The following CLHC1 variants were observed in gnomAD, a reference collection of about 807,000 sequenced individuals.
CLHC1 encodes the protein clathrin heavy chain linker domain containing 1, also known as clathrin heavy chain linker domain-containing protein 1.
CLHC1 carries 72 observed loss-of-function variants against 69.5 expected under a neutral mutation model. The observed-to-expected ratio is 1.04, with a 90% CI of 0.86 to 1.26. The LOEUF (loss-of-function observed/expected upper bound fraction) is 1.26. Among genes scored for constraint, CLHC1 ranks in the 50% most tolerant of loss-of-function variants. CLHC1 has a pLI of 0.00. For synonymous variants in CLHC1, 223 were observed against 224.3 expected, an observed-to-expected ratio of 0.99 and a Z score of 0.05; for missense variants, 790 against 679.3, an observed-to-expected ratio of 1.16 and a Z score of -1.81.
chr2:55,190,336 C>G (rs1000954235), intron 9 of CLHC1, among the ~76,000 whole-genome samples: 1 of 152,112 alleles, frequency 6.6e-6, no homozygotes, highest in Non-Finnish European at 1.5e-5. Context: ...CATGAGCCAC[C>G]ATGCCCAGCC....
chr2:55,217,541 AAAAAAAAAAAAATATATAT>A (rs1402978940), intron 4 of CLHC1, among the ~76,000 whole-genome samples: 2 of 84,646 alleles, frequency 2.4e-5, no homozygotes, highest in African/African-American at 1.1e-4. Context: ...AAAAAAAAAA[AAAAAAAAAAAAATATATAT>A]ATATATATAT....
rs375334964 is a variant in CLHC1, at chr2:55,217,920, T to A, written c.256A>T (p.Lys86Ter). 3 of 1,602,438 alleles carry A rather than the reference T, an allele frequency of 1.9e-6. No individual in the cohort carries two copies. The highest frequency in any genetic ancestry group is 2.2e-5 in the South Asian group (2 of 89,374). The part of the protein sequence containing the change: ...KEYDAFIETI[K>*]KDRRTTFCLH... ...CAAAATGTAGTTCTTCGGTCTTTCT[T>A]TATTGTCTCAATAAAGGCATCATAT... Residue 86 changes from lysine (K) to a stop codon, truncating the protein, a stop_gained, in exon 4 of 13, where the codon AAG becomes TAG. Coordinates refer to ENST00000401408, the MANE Select transcript of CLHC1 (RefSeq NM_152385.4). LOFTEE classifies it high-confidence loss of function.
intron 2 of CLHC1, among the ~76,000 whole-genome samples, chr2:55,223,280 A>C (rs1473965489): frequency 3.3e-5 from 5 of 152,120 alleles, no homozygotes; most frequent in Admixed American, 6.5e-5. Flanking sequence ...TCTCATCTTT[A>C]ATATTAAAGT....
At chr2:55,204,087 C>A (rs1672213113) in intron 9 of CLHC1, among the ~76,000 whole-genome samples, 1 of 152,132 alleles carries the variant, frequency 6.6e-6, no homozygotes, top group African/African-American at 2.4e-5. Flanking sequence ...GAGTTAGAGA[C>A]CAGCCTGACC....
chr2:55,213,048 G>A (rs575516091), intron 4 of CLHC1, among the ~76,000 whole-genome samples: 7 of 152,100 alleles, frequency 4.6e-5, no homozygotes, highest in African/African-American at 1.7e-4. Flanking sequence ...ACAATAATAT[G>A]GCCACAAACT....
chr2:55,204,102 T>C (rs1023821084), intron 9 of CLHC1, among the ~76,000 whole-genome samples: 7 of 152,116 alleles, frequency 4.6e-5, no homozygotes, highest in Non-Finnish European at 5.9e-5. Context: ...CTGACCAACA[T>C]GATGAAACCC....
chr2:55,218,836 A>G (rs894454422), intron 3 of CLHC1, among the ~76,000 whole-genome samples: 4 of 152,232 alleles, frequency 2.6e-5, no homozygotes, highest in African/African-American at 9.6e-5. Context: ...AAGAATACAG[A>G]GAATAGACAG....
intron 2 of CLHC1, among the ~76,000 whole-genome samples, chr2:55,227,677 C>CA (rs372124703): frequency 0.54 from 69,250 of 127,654 alleles, 20,858 homozygotes; most frequent in African/African-American, 0.81. Context: ...GACTCCATCT[C>CA]AAAAAAAAAA....
At chr2:55,202,667 C>G (rs921300952) in intron 9 of CLHC1, among the ~76,000 whole-genome samples, 2 of 151,676 alleles carry the variant, frequency 1.3e-5, no homozygotes, top group East Asian at 3.9e-4. Flanking sequence ...GAGGTCAAGG[C>G]GGGCTGATCA....
intron 7 of CLHC1, among the ~76,000 whole-genome samples, chr2:55,208,929 G>T (rs1672711287): frequency 7.0e-6 from 1 of 143,668 alleles, no homozygotes; most frequent in Admixed American, 7.2e-5. Flanking sequence ...GGAGTGCAGT[G>T]GCCCTATCTT....
At chr2:55,224,111 G>C (rs1674458152) in intron 2 of CLHC1, 1 of 184,152 alleles carries the variant, frequency 5.4e-6, no homozygotes, top group African/African-American at 2.4e-5. Flanking sequence ...TAACCTTAAA[G>C]TCATTGGTAA....
Position 55,208,637 on chromosome 2 carries a change from G to A in CLHC1, c.888C>T (p.His296=), listed in dbSNP as rs978093185. The A allele has an allele frequency of 1.2e-6, 2 of 1,602,080 alleles. No homozygotes were observed. Among genetic ancestry groups the A allele is most frequent in the African/African-American group, 1.3e-5 (1 of 74,620 alleles). The change falls in exon 8 of 13, where the codon CAC becomes CAT. Residue 296 remains histidine (H), a synonymous_variant. Transcript: ENST00000401408. ...RRAKEAEIML[H]YIERFNELIS... ...TTTAAAATATTTGCCTTTCAATGTAGTGAAGCATAATTTCAGCTTCTTTTG... is the reference window on the plus strand; with the variant it reads ...TTTAAAATATTTGCCTTTCAATGTAATGAAGCATAATTTCAGCTTCTTTTG...
intron 10 of CLHC1, among the ~76,000 whole-genome samples, 176 bp from the exon 11 acceptor site, chr2:55,180,888 A>G (rs1173895240): frequency 6.6e-6 from 1 of 152,212 alleles, no homozygotes; most frequent in African/African-American, 2.4e-5. Flanking sequence ...GTCAATTTCT[A>G]TCACCCCGAT....
Position 55,177,718 on chromosome 2 carries a change from T to C in CLHC1, c.1448A>G (p.Glu483Gly). The C allele has an allele frequency of 3.1e-6, 5 of 1,613,132 alleles. No individual in the cohort carries two copies. Among genetic ancestry groups the C allele is most frequent in the Non-Finnish European group, 4.2e-6 (5 of 1,179,282 alleles). ...QVELIQCLTK[E>G]LNEKQPSLSF... ...TAAAGATGGTTGTTTCTCATTCAAC[T>C]CTTTAGTGAGACACTGAATTAATTC... Residue 483 changes from glutamate (E) to glycine (G), a missense_variant, in exon 12 of 13, where the codon GAG becomes GGG. Coordinates refer to ENST00000401408, the MANE Select transcript of CLHC1 (RefSeq NM_152385.4).
In CLHC1 at chr2:55,175,816, T is replaced by C; in HGVS notation, c.1735A>G (p.Asn579Asp). The change falls in exon 13 of 13, where the codon AAC (asparagine) becomes GAC (aspartate). Residue 579 changes from asparagine to aspartate, a missense_variant. Asn to Asp is a conservative substitution (Grantham distance 23). Coordinates refer to ENST00000401408, the MANE Select transcript of CLHC1 (RefSeq NM_152385.4). The stretch of plus-strand genomic sequence containing the variant: ...TACCAAAACACATGTTCCATTAGGT[T>C]GACTGCGTCATCCTCTTCAGAAATT... ...TEISEEDDAV[N>D]LMEHVFW The C allele has an allele frequency of 6.2e-7, 1 of 1,614,036 alleles. No homozygotes were observed. The highest frequency in any genetic ancestry group is 1.1e-5 in the South Asian group (1 of 91,068).
chr2:55,204,392 C>A (rs981645120), intron 9 of CLHC1, among the ~76,000 whole-genome samples: 2 of 152,158 alleles, frequency 1.3e-5, no homozygotes, highest in Admixed American at 6.5e-5. Context: ...TAGAGACATA[C>A]AAATCAAAAC....
Position 55,175,944 on chromosome 2 carries a change from A to G in CLHC1, c.1607T>C (p.Ile536Thr), listed in dbSNP as rs760983056. Residue 536 changes from isoleucine (I) to threonine (T), a missense_variant, in exon 13 of 13, where the codon ATA (isoleucine) becomes ACA (threonine). Physicochemically the swap from Ile to Thr is moderately conservative, Grantham distance 89. Transcript: ENST00000401408. ...SLMINDSFCS[I>T]EKWQEVANIC... ...ATTTGCCACTTCTTGCCACTTTTCT[A>G]TGGAGCAAAAGGAATCATTTATCAT... The G allele has an allele frequency of 4.3e-6, 7 of 1,613,930 alleles. No individual in the cohort carries two copies. The highest frequency in any genetic ancestry group is 1.6e-4 in the Middle Eastern group (1 of 6,080).
chr2:55,213,297 G>C (rs531951094), intron 4 of CLHC1, among the ~76,000 whole-genome samples: 1 of 152,252 alleles, frequency 6.6e-6, no homozygotes, highest in Admixed American at 6.5e-5. Context: ...TCCAGCCTTG[G>C]GGCTGCAGGC....
At chr2:55,223,129 T>C (rs906152742) in intron 2 of CLHC1, among the ~76,000 whole-genome samples, 13 of 152,124 alleles carry the variant, frequency 8.5e-5, no homozygotes, top group Non-Finnish European at 1.8e-4. Flanking sequence ...ATTTGTGTCA[T>C]GTGGGAAAAC....
Sources: gnomAD v4.1 joint callset for allele counts (sites outside exome capture counted in the v4.1 genomes callset) on GRCh38, gnomAD v4.1.1 for gene constraint, MANE v1.5 for transcripts, NCBI Gene and HGNC (gene_info 2026-07-23, HGNC 2026-07-21) for gene names.